PHF6: variants seen among roughly 807,000 people sequenced by gnomAD.
PHF6 encodes the protein PHD-like zinc finger protein.
Under a neutral mutation model 34.0 loss-of-function variants are expected in PHF6, and 7 were observed. That is an observed-to-expected ratio of 0.21 (90% confidence interval 0.12 to 0.39). PHF6 has a LOEUF of 0.39. PHF6 is among the 10% of genes least tolerant of loss of function. The pLI is 1.00. For synonymous variants in PHF6, 89 were observed against 88.4 expected, an observed-to-expected ratio of 1.01 and a Z score of -0.04; for missense variants, 128 against 262.8, an observed-to-expected ratio of 0.49 and a Z score of 3.55.
At chrX:134,393,200 AT>A (rs2124219760) in intron 3 of PHF6, among the ~76,000 whole-genome samples, 1 of 112,097 alleles carries the variant, frequency 8.9e-6, no homozygotes, top group East Asian at 2.8e-4. Flanking sequence ...AGTCTCTTTT[AT>A]AATGTTATAT....
At position 134,377,683 on chromosome X, in the gene PHF6, A is replaced by G. The variant is rs758842701; in HGVS notation, c.66A>G (p.Ser22=). The part of the protein sequence containing the change: ...TRQRKCGFCK[S]NRDKECGQLL... ...AGCGCAAATGTGGCTTTTGTAAGTC[A>G]AATAGAGACAAGGAATGTGGACAGT... Residue 22 remains serine, a synonymous_variant, in exon 2 of 11, where the codon TCA becomes TCG. Coordinates refer to ENST00000370803, the MANE Select transcript of PHF6 (RefSeq NM_001015877.2). 1.7e-6 allele frequency: 2 copies of G among 1,208,415 alleles called. No homozygotes were observed. The highest frequency in any genetic ancestry group is 3.5e-5 in the African/African-American group (2 of 57,083).
chrX:134,421,096 A>G (rs1156303633), intron 9 of PHF6, among the ~76,000 whole-genome samples: 2 of 111,321 alleles, frequency 1.8e-5, no homozygotes, highest in African/African-American at 6.5e-5. Flanking sequence ...TTTACCTTAT[A>G]TAACAGAAAA....
intron 5 of PHF6, among the ~76,000 whole-genome samples, chrX:134,397,912 G>C (rs976089646): frequency 8.9e-6 from 1 of 111,896 alleles, no homozygotes; most frequent in Non-Finnish European, 1.9e-5. Context: ...TAAATGCCAT[G>C]AATGAGAAAT....
chrX:134,397,879 C>G (rs944958688), intron 5 of PHF6, among the ~76,000 whole-genome samples: 1 of 111,516 alleles, frequency 9.0e-6, no homozygotes, highest in Non-Finnish European at 1.9e-5. Context: ...AATAGTTGCA[C>G]AATTAATAGG....
At chrX:134,381,775 A>G (rs1393444597) in intron 3 of PHF6, among the ~76,000 whole-genome samples, 1 of 110,914 alleles carries the variant, frequency 9.0e-6, no homozygotes, top group Non-Finnish European at 1.9e-5. Context: ...ACAGGCGTGC[A>G]CCACCATGCC....
chrX:134,398,417 A>G (rs1371154631), intron 5 of PHF6, among the ~76,000 whole-genome samples: 1 of 111,648 alleles, frequency 9.0e-6, no homozygotes, highest in East Asian at 2.8e-4. Context: ...AATGATAGGT[A>G]GAGTGGCATA....
At chrX:134,405,014 G>A (rs1026321273) in intron 5 of PHF6, among the ~76,000 whole-genome samples, 3 of 111,390 alleles carry the variant, frequency 2.7e-5, no homozygotes, top group Admixed American at 1.9e-4. Context: ...CCAAACCCAC[G>A]ATATCTTGAA....
At position 134,420,732 on chromosome X, in the gene PHF6, A is replaced by C. The variant is rs111782160; in HGVS notation, c.968+3430A>C. On this transcript the variant is annotated intron_variant, in intron 9 of 10. Coordinates refer to ENST00000370803, the MANE Select transcript of PHF6 (RefSeq NM_001015877.2). ...TTCAGCTTCCCAAGTAGCTGGGACT[A>C]CAGGCACACGTGACCATGCCTGGCT... Among the ~76,000 whole-genome samples the C allele has an allele frequency of 7.3e-3, 808 of 110,420 alleles. 5 individuals carry two copies. The highest frequency in any genetic ancestry group is 0.025 in the African/African-American group (768 of 30,359).
At chrX:134,417,527 C>T in intron 9 of PHF6, 1 of 357,027 alleles carries the variant, frequency 2.8e-6, no homozygotes, top group Non-Finnish European at 4.9e-6. Flanking sequence ...TATGTGCCAG[C>T]CATTGTGCTT....
chrX:134,415,300 C>T, intron 8 of PHF6, 180 bp downstream of exon 8: 1 of 719,893 alleles, frequency 1.4e-6, no homozygotes, highest in Non-Finnish European at 2.1e-6. Context: ...AAACTTATTT[C>T]TCTATGTAAC....
At chrX:134,384,474 G>A (rs2077321262) in intron 3 of PHF6, among the ~76,000 whole-genome samples, 1 of 110,578 alleles carries the variant, frequency 9.0e-6, no homozygotes, top group East Asian at 2.8e-4. Context: ...TGTCCTGCAG[G>A]CATCTTAAAC....
chrX:134,412,847 T>C (rs1276102601), intron 5 of PHF6, among the ~76,000 whole-genome samples: 1 of 112,318 alleles, frequency 8.9e-6, no homozygotes, highest in African/African-American at 3.2e-5. Context: ...TTGTACTTAA[T>C]ATTTGTTTAA....
At chrX:134,417,133 A>G in intron 8 of PHF6, 36 bp from the exon 9 acceptor site, 1 of 1,206,492 alleles carries the variant, frequency 8.3e-7, no homozygotes, top group Non-Finnish European at 1.1e-6. Flanking sequence ...GTTTTCTTGA[A>G]ATACGGCTTA....
intron 5 of PHF6, among the ~76,000 whole-genome samples, chrX:134,412,471 T>TA (rs1383214484): frequency 8.9e-6 from 1 of 111,794 alleles, no homozygotes; most frequent in East Asian, 2.8e-4. Flanking sequence ...TAGGAGTTGA[T>TA]ATGCTTTCTC....
At chrX:134,387,974 C>G (rs1020298449) in intron 3 of PHF6, among the ~76,000 whole-genome samples, 1 of 111,362 alleles carries the variant, frequency 9.0e-6, no homozygotes, top group African/African-American at 3.3e-5. Context: ...CTTATGAGAC[C>G]TCCTTCAAAA....
intron 3 of PHF6, among the ~76,000 whole-genome samples, chrX:134,379,432 C>CTTTTTTTTT (rs34099570): frequency 8.1e-3 from 211 of 26,195 alleles, no homozygotes; most frequent in Non-Finnish European, 9.2e-3. Context: ...CTTTTCTTTT[C>CTTTTTTTTT]TTTTTTTTTT....
intron 5 of PHF6, among the ~76,000 whole-genome samples, chrX:134,398,779 A>G (rs750722306): frequency 9.0e-6 from 1 of 111,692 alleles, no homozygotes; most frequent in South Asian, 3.8e-4. Flanking sequence ...GCTTATGGGG[A>G]AAGTTGATGA....
intron 5 of PHF6, among the ~76,000 whole-genome samples, chrX:134,399,076 T>C: frequency 9.0e-6 from 1 of 110,989 alleles, no homozygotes; most frequent in Non-Finnish European, 1.9e-5. Context: ...AGAAAAAGAA[T>C]GGCTAGAGAG....
At chrX:134,378,135 TA>T in intron 3 of PHF6, 29 bp downstream of exon 3, 1 of 993,847 alleles carries the variant, frequency 1.0e-6, no homozygotes. Context: ...CTCTTGAGAA[TA>T]AAAATTATTT....
Sources: gnomAD v4.1 joint callset for allele counts (sites outside exome capture counted in the v4.1 genomes callset) on GRCh38, gnomAD v4.1.1 for gene constraint, MANE v1.5 for transcripts, NCBI Gene and HGNC (gene_info 2026-07-23, HGNC 2026-07-21) for gene names.